The following TNFRSF11A variants were observed in gnomAD, a reference collection of about 807,000 sequenced individuals.
TNFRSF11A encodes tumor necrosis factor receptor superfamily member 11A.
A neutral mutation model predicts 55.7 loss-of-function variants in TNFRSF11A; 32 were observed. That is an observed-to-expected ratio of 0.57 (90% confidence interval 0.43 to 0.77). The LOEUF is 0.77. TNFRSF11A is among the 30% of genes least tolerant of loss of function. The pLI is 0.00. For synonymous variants in TNFRSF11A, 311 were observed against 331.0 expected (o/e 0.94, Z 0.65); for missense variants, 753 against 809.8 (o/e 0.93, Z 0.85).
In TNFRSF11A at chr18:62,390,159, A is replaced by G. The variant is rs1182262872; in HGVS notation, c.*5125A>G. 1 of 152,244 alleles carries G rather than the reference A, an allele frequency of 6.6e-6. No homozygotes were observed. The highest frequency in any genetic ancestry group is 1.9e-4 in the East Asian group (1 of 5,194). 9.4% of individuals were successfully genotyped at this position (152,244 alleles called of 1,614,324 possible). A position where few individuals can be genotyped will look rare whatever the true frequency, so the allele number is the denominator to read the frequency against. Reference sequence around the variant, plus strand: ...AGTCATCATGTCGGACCACGTAACTATAACCAAGCTCTGCTGCCCACCTGG... The same window carrying G: ...AGTCATCATGTCGGACCACGTAACTGTAACCAAGCTCTGCTGCCCACCTGG... On this transcript the variant is annotated 3_prime_UTR_variant, in exon 10 of 10. Coordinates refer to ENST00000586569, the MANE Select transcript of TNFRSF11A (RefSeq NM_003839.4).
chr18:62,325,327 C>A lies in TNFRSF11A; in HGVS notation c.-26C>A, dbSNP rs1212654126. ...TGGGCCACAGAGGCCGCTGAGGCCG[C>A]GGCGCCCGCCAGCCTGTCCCGCGCC... is the stretch of plus-strand genomic sequence containing the variant. On this transcript the variant is annotated 5_prime_UTR_variant, in exon 1 of 10. Coordinates refer to ENST00000586569, the MANE Select transcript of TNFRSF11A (RefSeq NM_003839.4). The surrounding 1 kb of genome is among the most constrained non-coding windows in gnomAD (Gnocchi z 4.7). The A allele has an allele frequency of 1.0e-6, 1 of 997,316 alleles. No homozygotes were observed. The highest frequency in any genetic ancestry group is 1.2e-6 in the Non-Finnish European group (1 of 836,132). The allele number at this position is 997,316 out of a possible 1,614,324, so 61.8% of individuals were successfully genotyped here.
At chr18:62,341,577 G>A (rs1264479293) in intron 1 of TNFRSF11A, among the ~76,000 whole-genome samples, 1 of 152,172 alleles carries the variant, frequency 6.6e-6, no homozygotes, top group Non-Finnish European at 1.5e-5. Flanking sequence ...AGCTGTGCCC[G>A]TGAATATCCC....
intron 1 of TNFRSF11A, among the ~76,000 whole-genome samples, chr18:62,328,070 G>GGT (rs1330213185): frequency 1.3e-5 from 2 of 152,236 alleles, no homozygotes; most frequent in Non-Finnish European, 2.9e-5. Flanking sequence ...AGACATTGGT[G>GGT]GTGTCAAACA....
chr18:62,346,300 C>A (rs928223265), intron 1 of TNFRSF11A, among the ~76,000 whole-genome samples: 2 of 152,106 alleles, frequency 1.3e-5, no homozygotes, highest in Non-Finnish European at 2.9e-5. Flanking sequence ...GCTTTTTGAC[C>A]CAGTTTGCAT....
At chr18:62,333,638 C>G (rs1568471372) in intron 1 of TNFRSF11A, among the ~76,000 whole-genome samples, 1 of 152,180 alleles carries the variant, frequency 6.6e-6, no homozygotes, top group Non-Finnish European at 1.5e-5. Context: ...AGTGGCAGAG[C>G]TGGAGCTCCT....
chr18:62,385,018 G>A lies in TNFRSF11A; in HGVS notation c.1835G>A (p.Gly612Asp). The A allele has an allele frequency of 6.7e-7, 1 of 1,482,282 alleles. No homozygotes were observed. Among genetic ancestry groups the A allele is most frequent in the Non-Finnish European group, 8.9e-7 (1 of 1,125,674 alleles). The allele number at this position is 1,482,282 out of a possible 1,614,324, so 91.8% of individuals were successfully genotyped here. The part of the protein sequence containing the change: ...EKASRPVQEQ[G>D]GAKA ...GCCTCGAGGCCGGTGCAGGAGCAAG[G>A]CGGGGCCAAGGCTTGAGCGCCCCCC... The change falls in exon 10 of 10, where the codon GGC becomes GAC. Residue 612 changes from glycine to aspartate, a missense_variant. By Grantham distance (94) the Gly-to-Asp change is moderately conservative. Transcript: ENST00000586569.
chr18:62,366,652 G>T, intron 7 of TNFRSF11A, 56 bp from the exon 8 acceptor site: 2 of 1,558,416 alleles, frequency 1.3e-6, no homozygotes, highest in Non-Finnish European at 8.9e-7. Flanking sequence ...TTATTTAAAA[G>T]AAAAGAAGTG....
chr18:62,378,075 C>G (rs973567371), intron 9 of TNFRSF11A: 3 of 152,202 alleles, frequency 2.0e-5, no homozygotes, highest in Admixed American at 1.3e-4. Context: ...CCCACAGCAC[C>G]CACCTGATTA....
chr18:62,363,972 G>A (rs746921150), intron 7 of TNFRSF11A, among the ~76,000 whole-genome samples: 2 of 152,174 alleles, frequency 1.3e-5, no homozygotes, highest in South Asian at 2.1e-4. Context: ...GACTGACACT[G>A]GGGTCTCAAT....
rs1248551020 is a variant in TNFRSF11A at position 62,390,914 on chromosome 18, T to C, written c.*5880T>C. The C allele has an allele frequency of 6.6e-6, 1 of 152,254 alleles. No individual in the cohort carries two copies. Among genetic ancestry groups the C allele is most frequent in the Non-Finnish European group, 1.5e-5 (1 of 68,046 alleles). 9.4% of individuals were successfully genotyped at this position (152,254 alleles called of 1,614,324 possible). A position where few individuals can be genotyped will look rare whatever the true frequency, so the allele number is the denominator to read the frequency against. The stretch of plus-strand genomic sequence containing the variant: ...CACCCTTTTTAGATATATAGTTTTA[T>C]GAGTTTTAACAAAAATACATAGTTG... On this transcript the variant is annotated 3_prime_UTR_variant, in exon 10 of 10. Transcript: ENST00000586569.
At chr18:62,349,340 C>A (rs1797609402) in intron 2 of TNFRSF11A, among the ~76,000 whole-genome samples, 1 of 151,970 alleles carries the variant, frequency 6.6e-6, no homozygotes, top group African/African-American at 2.4e-5. Flanking sequence ...TGCCACCACG[C>A]CTGGCTGATT....
rs756654896 is a variant in TNFRSF11A at position 62,384,848 on chromosome 18, G to A, written c.1665G>A (p.Ser555=). The A allele has an allele frequency of 4.4e-5, 70 of 1,608,726 alleles. No homozygotes were observed. Among genetic ancestry groups the A allele is most frequent in the Non-Finnish European group, 5.3e-5 (63 of 1,177,912 alleles). ...DIIVVYVSQT[S]QEGAAAAAEP... is the part of the protein sequence containing the mutation. ...TCGTGGTCTACGTCAGCCAGACCTC[G>A]CAGGAGGGCGCGGCGGCGGCTGCGG... is the stretch of plus-strand genomic sequence containing the variant. Residue 555 remains serine, a synonymous_variant, in exon 10 of 10, where the codon TCG becomes TCA. Transcript: ENST00000586569.
At chr18:62,377,459 C>T (rs535529427) in intron 9 of TNFRSF11A, among the ~76,000 whole-genome samples, 1 of 152,278 alleles carries the variant, frequency 6.6e-6, no homozygotes, top group South Asian at 2.1e-4. Flanking sequence ...TGTAAGAAGT[C>T]ATCAAACTGT....
At chr18:62,377,366 G>A (rs1910972094) in intron 9 of TNFRSF11A, among the ~76,000 whole-genome samples, 1 of 152,282 alleles carries the variant, frequency 6.6e-6, no homozygotes, top group Non-Finnish European at 1.5e-5. Flanking sequence ...GCAGATTTTT[G>A]TGTGGACATA....
chr18:62,359,905 A>T (rs767545947), intron 5 of TNFRSF11A, 50 bp from the exon 6 acceptor site: 6 of 1,545,342 alleles, frequency 3.9e-6, no homozygotes, highest in South Asian at 2.2e-5. Context: ...TTCACTTTTT[A>T]AAAAACAAGC....
At chr18:62,359,872 A>G (rs1428853867) in intron 5 of TNFRSF11A, 83 bp from the exon 6 acceptor site, 5 of 1,268,390 alleles carry the variant, frequency 3.9e-6, no homozygotes, top group Non-Finnish European at 5.8e-6. Flanking sequence ...AGGAGCTGGC[A>G]ATCTGGGAGA....
In TNFRSF11A at chr18:62,368,810, A is replaced by G. The variant is rs1910289560; in HGVS notation, c.893A>G (p.Asp298Gly). Residue 298 changes from aspartate to glycine, a missense_variant, in exon 9 of 10, where the codon GAT (aspartate) becomes GGT (glycine). Around this residue, in one of 3 missense-constraint regions of TNFRSF11A, gnomAD observed 567 missense variants for 596.7 expected, o/e 0.95. Coordinates refer to ENST00000586569, the MANE Select transcript of TNFRSF11A (RefSeq NM_003839.4). ...LTLEEKTFPEDMCYPDQGGVC... is the reference protein window; with the variant it reads ...LTLEEKTFPEGMCYPDQGGVC... Reference sequence around the variant, plus strand: ...CTGGAGGAGAAGACATTTCCAGAAGATATGTGCTACCCAGATCAAGGTGGT... The same window carrying G: ...CTGGAGGAGAAGACATTTCCAGAAGGTATGTGCTACCCAGATCAAGGTGGT... The G allele has an allele frequency of 1.2e-6, 2 of 1,614,132 alleles. No homozygotes were observed. The highest frequency in any genetic ancestry group is 1.3e-5 in the African/African-American group (1 of 74,946).
chr18:62,361,588 G>T lies in TNFRSF11A; in HGVS notation c.617-92G>T, dbSNP rs35407865. 63,241 of 1,276,052 alleles carry T rather than the reference G, an allele frequency of 0.05. 4,791 individuals are homozygous for T. The highest frequency in any genetic ancestry group is 0.36 in the East Asian group (15,494 of 42,832). 79.0% of individuals were successfully genotyped at this position (1,276,052 alleles called of 1,614,324 possible). On this transcript the variant is annotated intron_variant, in intron 6 of 9. Coordinates refer to ENST00000586569, the MANE Select transcript of TNFRSF11A (RefSeq NM_003839.4). Reference sequence around the variant, plus strand: ...TCTGCTATCCCAGACCAACATTTTTGATTCTGAGGTTTGATTTACCGGGAT... The same window carrying T: ...TCTGCTATCCCAGACCAACATTTTTTATTCTGAGGTTTGATTTACCGGGAT...
intron 1 of TNFRSF11A, among the ~76,000 whole-genome samples, chr18:62,335,741 C>T (rs2046223606): frequency 6.6e-6 from 1 of 152,150 alleles, no homozygotes; most frequent in African/African-American, 2.4e-5. Flanking sequence ...CGGATTTTGT[C>T]CCAAATCAGT....
Sources: gnomAD v4.1 joint callset for allele counts (sites outside exome capture counted in the v4.1 genomes callset) on GRCh38, gnomAD v4.1.1 for gene constraint, gnomAD v4.1.1 regional missense constraint, Gnocchi (gnomAD v3.1) non-coding constraint, MANE v1.5 for transcripts, NCBI Gene and HGNC (gene_info 2026-07-23, HGNC 2026-07-21) for gene names.